The following NPAS3 variants were observed in gnomAD, a reference collection of about 807,000 sequenced individuals.
The protein encoded by NPAS3 is neuronal PAS domain-containing protein 3.
A neutral mutation model predicts 73.1 loss-of-function variants in NPAS3; 14 were observed. That is an observed-to-expected ratio of 0.19 (90% CI 0.13 to 0.30). NPAS3 has a LOEUF of 0.30. Ranked by LOEUF, NPAS3 falls within the 10% of genes least tolerant of loss-of-function variation. NPAS3 has a pLI of 1.00. For synonymous variants in NPAS3, 620 were observed against 541.5 expected (o/e 1.14, Z -2.01); for missense variants, 1,096 against 1,250.0 (o/e 0.88, Z 1.86).
intron 2 of NPAS3, among the ~76,000 whole-genome samples, chr14:33,142,395 G>C (rs1164626683): frequency 6.6e-6 from 1 of 151,900 alleles, no homozygotes; most frequent in Non-Finnish European, 1.5e-5. Flanking sequence ...TCTTAGTACA[G>C]TATGTGGCAT....
chr14:33,171,816 G>A (rs1292333698), intron 2 of NPAS3, among the ~76,000 whole-genome samples: 2 of 152,090 alleles, frequency 1.3e-5, no homozygotes. Context: ...CTTGCTTTTC[G>A]ACGTGCCTTT....
At chr14:33,675,609 A>G (rs1441014568) in intron 5 of NPAS3, among the ~76,000 whole-genome samples, 1 of 152,254 alleles carries the variant, frequency 6.6e-6, no homozygotes, top group Non-Finnish European at 1.5e-5. Context: ...CCTCTTTTGT[A>G]TGGAAAATCC....
chr14:33,216,858 T>C (rs995396241), intron 3 of NPAS3, among the ~76,000 whole-genome samples: 1 of 152,098 alleles, frequency 6.6e-6, no homozygotes, highest in Non-Finnish European at 1.5e-5. Context: ...CAGTCAAAGG[T>C]AGCCCAGGAA....
intron 3 of NPAS3, among the ~76,000 whole-genome samples, chr14:33,342,196 G>C (rs1382802110): frequency 6.6e-6 from 1 of 152,178 alleles, no homozygotes; most frequent in Non-Finnish European, 1.5e-5. Context: ...TGGAGAAAGA[G>C]CTTGTGGAAG....
intron 3 of NPAS3, among the ~76,000 whole-genome samples, chr14:33,318,696 TTTAA>T (rs1257534853): frequency 1.3e-5 from 2 of 152,132 alleles, no homozygotes; most frequent in Admixed American, 6.6e-5. Flanking sequence ...TTCTGAAATT[TTTAA>T]TTAAAGTTGG....
intron 1 of NPAS3, among the ~76,000 whole-genome samples, chr14:32,997,635 T>A (rs1484158912): frequency 6.6e-6 from 1 of 151,912 alleles, no homozygotes; most frequent in African/African-American, 2.4e-5. Context: ...ATGTAAGATG[T>A]GACTGGCGGC....
intron 4 of NPAS3, among the ~76,000 whole-genome samples, chr14:33,466,465 C>T (rs768753368): frequency 6.6e-6 from 1 of 152,208 alleles, no homozygotes; most frequent in Non-Finnish European, 1.5e-5. Flanking sequence ...CACCGTTGTT[C>T]ATCTAGCAAT....
intron 2 of NPAS3, among the ~76,000 whole-genome samples, chr14:33,124,604 G>A (rs1217253750): frequency 6.6e-6 from 1 of 152,060 alleles, no homozygotes; most frequent in African/African-American, 2.4e-5. Flanking sequence ...TAATGGATAA[G>A]AAATATAGAG....
At chr14:33,607,419 A>G (rs1389976645) in intron 5 of NPAS3, among the ~76,000 whole-genome samples, 4 of 152,248 alleles carry the variant, frequency 2.6e-5, no homozygotes, top group South Asian at 4.2e-4. Flanking sequence ...AAAAAAAAAA[A>G]AGAGTGATTC....
intron 2 of NPAS3, among the ~76,000 whole-genome samples, chr14:33,190,885 C>A (rs1212266751): frequency 1.3e-5 from 2 of 152,206 alleles, no homozygotes; most frequent in African/African-American, 4.8e-5. Flanking sequence ...TGGATAATTA[C>A]TTTTGTTCAC....
At chr14:33,246,073 T>G (rs1378958781) in intron 3 of NPAS3, among the ~76,000 whole-genome samples, 1 of 152,154 alleles carries the variant, frequency 6.6e-6, no homozygotes, top group East Asian at 1.9e-4. Context: ...GGTCAGAGCT[T>G]GGCTTTGCCA....
intron 8 of NPAS3, among the ~76,000 whole-genome samples, chr14:33,777,463 G>A (rs575922468): frequency 2.6e-5 from 4 of 151,368 alleles, no homozygotes; most frequent in African/African-American, 9.7e-5. Context: ...CTGCCTTGGG[G>A]GCCAGAAAAC....
At chr14:33,583,600 T>C (rs751313833) in intron 5 of NPAS3, among the ~76,000 whole-genome samples, 79 of 152,226 alleles carry the variant, frequency 5.2e-4, no homozygotes, top group Non-Finnish European at 1.8e-4. Context: ...AAATCTGTAA[T>C]TCCATAGCAG....
chr14:33,784,008 A>G (rs189193494), intron 9 of NPAS3, among the ~76,000 whole-genome samples: 29 of 152,364 alleles, frequency 1.9e-4, no homozygotes, highest in Admixed American at 1.8e-3. Context: ...AATAACTCTC[A>G]GGGTACTCGA....
chr14:33,136,906 T>A (rs1337417909), intron 2 of NPAS3, among the ~76,000 whole-genome samples: 1 of 152,208 alleles, frequency 6.6e-6, no homozygotes, highest in Non-Finnish European at 1.5e-5. Flanking sequence ...TTTGTTGTAA[T>A]ATGCTCCCGA....
intron 3 of NPAS3, among the ~76,000 whole-genome samples, chr14:33,302,144 A>C (rs1409739764): frequency 6.6e-6 from 1 of 152,264 alleles, no homozygotes; most frequent in Non-Finnish European, 1.5e-5. Context: ...ACAAATTAAT[A>C]AACAGAAATA....
At chr14:33,415,520 C>T (rs918104928) in intron 4 of NPAS3, among the ~76,000 whole-genome samples, 1 of 152,104 alleles carries the variant, frequency 6.6e-6, no homozygotes, top group African/African-American at 2.4e-5. Flanking sequence ...TCAATCTTCT[C>T]CCAGTAGTTG....
intron 9 of NPAS3, among the ~76,000 whole-genome samples, chr14:33,792,258 C>T (rs2063379737): frequency 6.6e-6 from 1 of 151,994 alleles, no homozygotes; most frequent in South Asian, 2.1e-4. Flanking sequence ...GTGACAGTTC[C>T]GGGCCTTCAA....
chr14:33,416,024 T>A lies in NPAS3; in HGVS notation c.468+48756T>A, dbSNP rs557386629. Among the ~76,000 whole-genome samples the A allele has an allele frequency of 2.5e-4, 38 of 152,238 alleles. No homozygotes were observed. The South Asian group carries it at 7.7e-3, about 31-fold the overall frequency. On this transcript the variant is annotated intron_variant, in intron 4 of 11. Transcript: ENST00000356141. ...TTCAAATTCTATAAAGCTCTGAGGA[T>A]GTCTTTGTTCCCTGCTACATGGGAG...
Sources: allele counts gnomAD v4.1 joint callset (sites outside exome capture counted in the v4.1 genomes callset), GRCh38; gene constraint gnomAD v4.1.1; transcripts MANE v1.5; gene names NCBI Gene and HGNC (gene_info 2026-07-23, HGNC 2026-07-21).